Variants in ADGRL2 observed in about 807,000 individuals in gnomAD.
ADGRL2 encodes the protein adhesion G protein-coupled receptor L2, also known as calcium-independent alpha-latrotoxin receptor 2.
ADGRL2 carries 44 observed loss-of-function variants against 157.4 expected under a neutral mutation model. That is an observed-to-expected ratio of 0.28 (90% confidence interval 0.22 to 0.36). ADGRL2 has a LOEUF of 0.36. ADGRL2 is among the 10% of genes least tolerant of loss of function. ADGRL2 has a pLI of 1.00. For synonymous variants in ADGRL2, 585 were observed against 624.7 expected (o/e 0.94, Z 0.95); for missense variants, 1,510 against 1,768.9 (o/e 0.85, Z 2.63).
chr1:81,871,232 G>T (rs1470773380), intron 2 of ADGRL2, among the ~76,000 whole-genome samples: 1 of 151,868 alleles, frequency 6.6e-6, no homozygotes, highest in African/African-American at 2.4e-5. Context: ...ATGGTTTCCA[G>T]CTTCGTCCAT....
At chr1:81,662,931 G>A (rs1263369219) in intron 3 of ADGRL2, among the ~76,000 whole-genome samples, 5 of 152,028 alleles carry the variant, frequency 3.3e-5, no homozygotes, top group Admixed American at 2.0e-4. Context: ...GGTTTTTCAA[G>A]TAATGGTGGT....
chr1:81,640,280 A>T (rs1449090810), intron 3 of ADGRL2, among the ~76,000 whole-genome samples: 1 of 152,250 alleles, frequency 6.6e-6, no homozygotes, highest in East Asian at 1.9e-4. Flanking sequence ...AATTTTGGTC[A>T]TGCTCTCACT....
At position 81,990,666 on chromosome 1, in the gene ADGRL2, A is replaced by T. The variant is rs372364797; in HGVS notation, c.3931A>T (p.Ile1311Phe). The T allele has an allele frequency of 6.2e-7, 1 of 1,614,172 alleles. No homozygotes were observed. Among genetic ancestry groups the T allele is most frequent in the South Asian group, 1.1e-5 (1 of 91,090 alleles). ...IGGSSSEDDAIVADASSLMHS... is the reference protein window; with the variant it reads ...IGGSSSEDDAFVADASSLMHS... ...AGGTAGCAGCAGTGAAGATGATGCT[A>T]TTGTGGCAGATGCTTCATCTTTAAT... Residue 1311 changes from isoleucine to phenylalanine, a missense_variant, in exon 24 of 24, where the codon ATT becomes TTT. Coordinates refer to ENST00000686636, the MANE Select transcript of ADGRL2 (RefSeq NM_001366006.2).
intron 1 of ADGRL2, among the ~76,000 whole-genome samples, chr1:81,333,502 G>A (rs1661418173): frequency 6.6e-6 from 1 of 151,952 alleles, no homozygotes; most frequent in Non-Finnish European, 1.5e-5. Context: ...AGCAACCTCT[G>A]CCCTCCAAGT....
intron 2 of ADGRL2, chr1:81,514,590 T>C (rs943910119): frequency 1.3e-5 from 2 of 152,172 alleles, no homozygotes; most frequent in Admixed American, 1.3e-4. Context: ...ACTAGAATAT[T>C]GCGAGGAAAA....
chr1:81,916,800 T>C (rs995777729), intron 3 of ADGRL2, among the ~76,000 whole-genome samples: 1 of 151,970 alleles, frequency 6.6e-6, no homozygotes, highest in Non-Finnish European at 1.5e-5. Flanking sequence ...TCTTGTACAT[T>C]TTAAGGAGAT....
chr1:81,579,346 G>T (rs948053450), intron 2 of ADGRL2: 2 of 152,126 alleles, frequency 1.3e-5, no homozygotes, highest in Admixed American at 6.6e-5. Flanking sequence ...TATCTAAAAT[G>T]ACAAACTGAT....
At position 81,817,275 on chromosome 1, in the gene ADGRL2, A is replaced by AT. The variant is rs67010910; in HGVS notation, c.-101+16219dup. 4.5e-3 allele frequency among the ~76,000 whole-genome samples: 646 copies of AT among 144,650 alleles called. 1 individual carries two copies. Among genetic ancestry groups the AT allele is most frequent in the Middle Eastern group, 0.011 (3 of 272 alleles). The allele number at this position is 144,650 out of a possible 152,430, so 94.9% of individuals were successfully genotyped here. A position where few individuals can be genotyped will look rare whatever the true frequency, so the allele number is the denominator to read the frequency against. ...GCTTTAAAGGTAGGCCTTCCGTCCC[A>AT]TTTTTTTTTTTTGGTAAGATTTATG... is the stretch of plus-strand genomic sequence containing the variant. On this transcript the variant is annotated intron_variant, in intron 1 of 23. Coordinates refer to ENST00000686636, the MANE Select transcript of ADGRL2 (RefSeq NM_001366006.2).
chr1:81,874,772 C>G (rs991740827), intron 2 of ADGRL2, among the ~76,000 whole-genome samples: 1 of 151,998 alleles, frequency 6.6e-6, no homozygotes, highest in Non-Finnish European at 1.5e-5. Context: ...GTGGCACCAT[C>G]TCAGCTTACT....
intron 1 of ADGRL2, among the ~76,000 whole-genome samples, chr1:81,381,702 T>G (rs2076348040): frequency 6.6e-6 from 1 of 152,232 alleles, no homozygotes; most frequent in African/African-American, 2.4e-5. Flanking sequence ...TCTAATACAT[T>G]GATTCGCCAT....
intron 3 of ADGRL2, among the ~76,000 whole-genome samples, chr1:81,677,380 C>G (rs2148940276): frequency 6.6e-6 from 1 of 152,266 alleles, no homozygotes; most frequent in Middle Eastern, 3.4e-3. Flanking sequence ...CTTTCCTGAG[C>G]TTCATATAGC....
chr1:81,740,300 C>A (rs1439393863), intron 1 of ADGRL2, among the ~76,000 whole-genome samples: 2 of 152,166 alleles, frequency 1.3e-5, no homozygotes, highest in East Asian at 3.9e-4. Context: ...TGCATATCCA[C>A]TTTAAAAGGT....
chr1:81,350,545 G>C (rs1662806679), intron 1 of ADGRL2, among the ~76,000 whole-genome samples: 1 of 152,156 alleles, frequency 6.6e-6, no homozygotes, highest in East Asian at 1.9e-4. Flanking sequence ...TGATACTGAA[G>C]AGAAACCAGA....
At chr1:81,613,133 C>CT (rs1325268431) in intron 3 of ADGRL2, among the ~76,000 whole-genome samples, 1 of 152,144 alleles carries the variant, frequency 6.6e-6, no homozygotes, top group Non-Finnish European at 1.5e-5. Context: ...CTGTTCAATC[C>CT]TGGGCTAGTT....
intron 1 of ADGRL2, among the ~76,000 whole-genome samples, chr1:81,822,245 A>G (rs1162208078): frequency 1.3e-5 from 2 of 151,822 alleles, no homozygotes; most frequent in Non-Finnish European, 2.9e-5. Flanking sequence ...GTTTCCCGCT[A>G]TCAGAAAAAA....
At chr1:81,481,235 A>G (rs1260021637) in intron 2 of ADGRL2, among the ~76,000 whole-genome samples, 1 of 152,232 alleles carries the variant, frequency 6.6e-6, no homozygotes, top group Non-Finnish European at 1.5e-5. Flanking sequence ...CCCATAAACT[A>G]TCAATAAGGA....
At chr1:81,456,100 C>T (rs1022483572) in intron 2 of ADGRL2, among the ~76,000 whole-genome samples, 2 of 152,156 alleles carry the variant, frequency 1.3e-5, no homozygotes, top group African/African-American at 2.4e-5. Flanking sequence ...TGCACTCTTA[C>T]AATTTATTGC....
chr1:81,807,014 T>A (rs918894401), intron 1 of ADGRL2, among the ~76,000 whole-genome samples: 1 of 152,046 alleles, frequency 6.6e-6, no homozygotes, highest in African/African-American at 2.4e-5. Context: ...ATAAGTGCAA[T>A]TATTTTTAAG....
chr1:81,643,675 A>T (rs2082262860), intron 3 of ADGRL2, among the ~76,000 whole-genome samples: 1 of 152,182 alleles, frequency 6.6e-6, no homozygotes, highest in Non-Finnish European at 1.5e-5. Context: ...TTAAATACAT[A>T]GGTGTAAATG....
Sources: allele counts gnomAD v4.1 joint callset (sites outside exome capture counted in the v4.1 genomes callset), GRCh38; gene constraint gnomAD v4.1.1; transcripts MANE v1.5; gene names NCBI Gene and HGNC (gene_info 2026-07-23, HGNC 2026-07-21).